CASP6: variants seen among roughly 807,000 people sequenced by gnomAD.
CASP6 encodes caspase 6, also known as caspase-6.
Under a neutral mutation model 31.8 loss-of-function variants are expected in CASP6, and 20 were observed. That is an observed-to-expected ratio of 0.63 (90% CI 0.44 to 0.91). CASP6 has a LOEUF of 0.91. Ranked by LOEUF, CASP6 falls within the 40% of genes least tolerant of loss-of-function variation. The probability of loss-of-function intolerance (pLI) is 0.00; values close to 1 mark genes in which losing one functional copy is unlikely to be tolerated. For missense variants in CASP6, 328 were observed against 361.1 expected (o/e 0.91, Z 0.74); for synonymous variants, 130 against 127.8 (o/e 1.02, Z -0.12).
downstream of CASP6, chr4:109,687,888 T>C: frequency 3.6e-6 from 1 of 277,652 alleles, no homozygotes; most frequent in Non-Finnish European, 6.7e-6. Context: ...GGGTCTGTGC[T>C]TGGCATTCAC....
chr4:109,684,558 A>G, downstream of CASP6: 2 of 1,608,620 alleles, frequency 1.2e-6, no homozygotes, highest in Non-Finnish European at 1.7e-6. Flanking sequence ...TGGTGGGTGT[A>G]CTCCTGGGAT....
intron 6 of CASP6, among the ~76,000 whole-genome samples, chr4:109,689,844 TA>T (rs1296403734): frequency 6.6e-6 from 1 of 152,118 alleles, no homozygotes; most frequent in Non-Finnish European, 1.5e-5. Context: ...ATGAGATTAC[TA>T]AAAAGAAGTC....
chr4:109,685,440 G>A, downstream of CASP6: 1 of 649,576 alleles, frequency 1.5e-6, no homozygotes, highest in South Asian at 2.0e-5. Context: ...TATAACTGGT[G>A]GCTCATCCTC....
At position 109,697,661 on chromosome 4, in the gene CASP6, C is replaced by T; in HGVS notation, c.191G>A (p.Arg64Lys). The T allele has an allele frequency of 6.2e-7, 1 of 1,613,810 alleles. No individual in the cohort carries two copies. The highest frequency in any genetic ancestry group is 8.5e-7 in the Non-Finnish European group (1 of 1,179,908). Residue 64 changes from arginine to lysine, a missense_variant, in exon 3 of 7, where the codon AGG becomes AAG. Transcript: ENST00000265164. ...GTCTCTATCTGCGCAGGTGCCCCGCCTTTCTGGCAGTGTTAAGTGCCAAAA... is the reference window on the plus strand; with the variant it reads ...GTCTCTATCTGCGCAGGTGCCCCGCTTTTCTGGCAGTGTTAAGTGCCAAAA... ...RFFWHLTLPERRGTCADRDNL... is the reference protein window; with the variant it reads ...RFFWHLTLPEKRGTCADRDNL...
chr4:109,706,012 A>AT (rs1166058507), upstream of CASP6, among the ~76,000 whole-genome samples: 10 of 90,270 alleles, frequency 1.1e-4, 1 homozygote, highest in African/African-American at 5.0e-4. Context: ...ATATATATAT[A>AT]TATATATATA....
At chr4:109,674,047 G>A in the CASP6 span, 1 of 1,361,086 alleles carries the variant, frequency 7.3e-7, no homozygotes. Context: ...GGTAGCCCAA[G>A]GCTTTGTTGT....
At chr4:109,671,141 T>G in the CASP6 span, among the ~76,000 whole-genome samples, 416 of 152,376 alleles carry the variant, frequency 2.7e-3, no homozygotes, top group Non-Finnish European at 5.1e-3. Flanking sequence ...ATTCAGCCAT[T>G]TATTAATTGT....
At chr4:109,706,131 TTATA>T (rs58847180), upstream of CASP6, among the ~76,000 whole-genome samples, 486 of 36,068 alleles carry the variant, frequency 0.013, 5 homozygotes, top group Admixed American at 0.019. Context: ...CCTATCCATT[TTATA>T]TATATATATA....
chr4:109,667,356 T>A, the CASP6 span, among the ~76,000 whole-genome samples: 1 of 152,034 alleles, frequency 6.6e-6, no homozygotes, highest in Non-Finnish European at 1.5e-5. Context: ...TCTAGGTTAT[T>A]GAATTTGTGG....
At chr4:109,685,047 G>T, downstream of CASP6, 1 of 417,084 alleles carries the variant, frequency 2.4e-6, no homozygotes, top group Non-Finnish European at 4.2e-6. Context: ...TTCCCAGCTT[G>T]CCTGTTTTTG....
In CASP6 at chr4:109,689,312, TTAGA is replaced by T. The variant is rs762256412; in HGVS notation, c.*14_*17del. On this transcript the variant is annotated 3_prime_UTR_variant, in exon 7 of 7. Transcript: ENST00000265164. ...GCCATTTTCAATACAGAGTGTAAAA[TTAGA>T]TAGCCTCTATTAATTAATTAGATTT... 13 of 1,608,034 alleles carry T rather than the reference TTAGA, an allele frequency of 8.1e-6. No individual in the cohort carries two copies. Among genetic ancestry groups the T allele is most frequent in the African/African-American group, 2.7e-5 (2 of 74,684 alleles).
downstream of CASP6, chr4:109,688,592 G>T (rs1365357782): frequency 6.6e-6 from 1 of 152,064 alleles, no homozygotes; most frequent in Non-Finnish European, 1.5e-5. Context: ...TTACACAAAT[G>T]AACAAGAATG....
At chr4:109,688,228 G>C (rs1424445614), downstream of CASP6, 6 of 152,134 alleles carry the variant, frequency 3.9e-5, no homozygotes, top group African/African-American at 1.2e-4. Flanking sequence ...TCAGCCTCTG[G>C]CAGATTATTA....
At chr4:109,681,932 G>C in the CASP6 span, among the ~76,000 whole-genome samples, 138 of 152,242 alleles carry the variant, frequency 9.1e-4, 1 homozygote, top group Non-Finnish European at 2.6e-4. Flanking sequence ...GAAGGGAGGG[G>C]ACCCAAAGGG....
At chr4:109,697,547 A>G (rs1730283325) in intron 3 of CASP6, 75 bp downstream of exon 3, 3 of 1,500,010 alleles carry the variant, frequency 2.0e-6, no homozygotes, top group Non-Finnish European at 2.7e-6. Context: ...GATTACCAGC[A>G]TGAACCACCA....
the CASP6 span, among the ~76,000 whole-genome samples, chr4:109,665,963 A>T: frequency 2.0e-5 from 3 of 152,018 alleles, no homozygotes; most frequent in Middle Eastern, 3.4e-3. Flanking sequence ...GGAAAAAAAG[A>T]AAGGCAAGAG....
chr4:109,705,050 G>T (rs1004141444), upstream of CASP6, among the ~76,000 whole-genome samples: 18 of 152,182 alleles, frequency 1.2e-4, no homozygotes, highest in African/African-American at 3.9e-4. Flanking sequence ...TCTATTGGAA[G>T]AAGATTCCAT....
chr4:109,679,188 C>T, the CASP6 span, among the ~76,000 whole-genome samples: 2 of 151,824 alleles, frequency 1.3e-5, no homozygotes, highest in South Asian at 4.2e-4. Flanking sequence ...AGAGGCACTC[C>T]TCACATCCCA....
chr4:109,684,631 T>TATA, downstream of CASP6: 1 of 1,497,210 alleles, frequency 6.7e-7, no homozygotes, highest in East Asian at 2.3e-5. Context: ...TTGCATACTT[T>TATA]ATAGTCACTC....
Sources: allele counts gnomAD v4.1 joint callset (sites outside exome capture counted in the v4.1 genomes callset), GRCh38; gene constraint gnomAD v4.1.1; transcripts MANE v1.5; gene names NCBI Gene and HGNC (gene_info 2026-07-23, HGNC 2026-07-21).